The following COL6A6 variants were observed in gnomAD, a reference collection of about 807,000 sequenced individuals.
COL6A6 encodes the protein collagen type VI alpha 6 chain, also known as collagen alpha-6(VI) chain.
Under a neutral mutation model 208.6 loss-of-function variants are expected in COL6A6, and 183 were observed. That is an observed-to-expected ratio of 0.88 (90% CI 0.78 to 0.99). The LOEUF is 0.99. Ranked by LOEUF, COL6A6 falls within the 50% of genes least tolerant of loss-of-function variation. The probability of loss-of-function intolerance (pLI) is 0.00; values close to 1 mark genes in which losing one functional copy is unlikely to be tolerated. For synonymous variants in COL6A6, 973 were observed against 1,011.8 expected (o/e 0.96, Z 0.73); for missense variants, 2,816 against 2,815.2 (o/e 1.00, Z -0.01).
At chr3:130,583,640 GAA>G (rs2063472378) in intron 10 of COL6A6, among the ~76,000 whole-genome samples, 1 of 152,144 alleles carries the variant, frequency 6.6e-6, no homozygotes, top group South Asian at 2.1e-4. Flanking sequence ...AATGTTCTTT[GAA>G]AAGTGTCTAG....
At position 130,584,475 on chromosome 3, in the gene COL6A6, G is replaced by A. The variant is rs1420840655; in HGVS notation, c.3971-2031G>A. On this transcript the variant is annotated intron_variant, in intron 10 of 36. Transcript: ENST00000358511. ...TCATTCTCATTCTAGAAGAATGACC[G>A]ACTATCCTGTTTTGTTGGGAACAAG... 3.3e-5 allele frequency among the ~76,000 whole-genome samples: 5 copies of A among 152,110 alleles called. No homozygotes were observed. The East Asian group carries it at 5.8e-4, about 18-fold the overall frequency.
chr3:130,667,708 G>T (rs1433248254), intron 36 of COL6A6, among the ~76,000 whole-genome samples: 3 of 151,926 alleles, frequency 2.0e-5, no homozygotes, highest in Non-Finnish European at 4.4e-5. Context: ...TATGAGAAAA[G>T]ACATCAACAA....
intron 23 of COL6A6, among the ~76,000 whole-genome samples, chr3:130,621,543 A>T (rs1330953149): frequency 6.6e-6 from 1 of 152,242 alleles, no homozygotes; most frequent in African/African-American, 2.4e-5. Context: ...TTTTAACAAC[A>T]TCTGTTCTTA....
Position 130,567,194 on chromosome 3 carries a change from A to G in COL6A6, c.1775A>G (p.Tyr592Cys). ...EIAGEEKRVYYVHDFDALKDI... is the reference protein window; with the variant it reads ...EIAGEEKRVYCVHDFDALKDI... ...GCAGGAGAGGAAAAGAGAGTGTATT[A>G]CGTGCATGACTTTGATGCATTGAAA... Residue 592 changes from tyrosine (Y) to cysteine (C), a missense_variant, in exon 5 of 37, where the codon TAC becomes TGC. By Grantham distance (194) the Tyr-to-Cys change is radical. Transcript: ENST00000358511. 1 of 1,613,508 alleles carries G rather than the reference A, an allele frequency of 6.2e-7. No individual in the cohort carries two copies.
intron 36 of COL6A6, among the ~76,000 whole-genome samples, chr3:130,669,345 A>T (rs899759664): frequency 1.3e-5 from 2 of 152,144 alleles, no homozygotes; most frequent in Non-Finnish European, 2.9e-5. Flanking sequence ...CAGGGAGCCA[A>T]GATCATGCCA....
At position 130,661,822 on chromosome 3, in the gene COL6A6, A is replaced by G. The variant is rs200450058; in HGVS notation, c.6016A>G (p.Thr2006Ala). The change falls in exon 35 of 37, where the codon ACT becomes GCT. Residue 2006 changes from threonine (T) to alanine (A), a missense_variant. Transcript: ENST00000358511. ...EITPEPETSV[T>A]GDRVALLSHA... ...CACCCCAGAGCCGGAGACTTCTGTCACTGGAGACCGGGTGGCCCTATTGAG... is the reference window on the plus strand; with the variant it reads ...CACCCCAGAGCCGGAGACTTCTGTCGCTGGAGACCGGGTGGCCCTATTGAG... 9.6e-5 allele frequency: 155 copies of G among 1,613,830 alleles called. No individual in the cohort carries two copies. Among genetic ancestry groups the G allele is most frequent in the Non-Finnish European group, 1.2e-4 (141 of 1,179,880 alleles).
intron 8 of COL6A6, among the ~76,000 whole-genome samples, chr3:130,576,052 A>G (rs1037550926): frequency 5.3e-5 from 8 of 152,158 alleles, no homozygotes; most frequent in Admixed American, 1.3e-4. Context: ...AGGAGCCCAC[A>G]ACAGCTTGCT....
At chr3:130,608,763 CTTTTTTTTT>C (rs752049202) in intron 21 of COL6A6, 130 bp from the exon 22 acceptor site, 8 of 310,144 alleles carry the variant, frequency 2.6e-5, no homozygotes, top group African/African-American at 1.1e-4. Flanking sequence ...TATTTTTCAC[CTTTTTTTTT>C]TTTTTTTTTT....
chr3:130,547,040 C>T (rs192853075), intron 1 of COL6A6, among the ~76,000 whole-genome samples: 1 of 152,220 alleles, frequency 6.6e-6, no homozygotes, highest in African/African-American at 2.4e-5. Context: ...GTGGAGCTGC[C>T]CGCCAGTCCT....
At chr3:130,613,752 T>C (rs1442473907) in intron 23 of COL6A6, among the ~76,000 whole-genome samples, 1 of 152,200 alleles carries the variant, frequency 6.6e-6, no homozygotes, top group Non-Finnish European at 1.5e-5. Context: ...TTCCTAGATA[T>C]TTTTATTTTT....
At chr3:130,641,564 C>A in intron 28 of COL6A6, 88 bp from the exon 29 acceptor site, 2 of 602,294 alleles carry the variant, frequency 3.3e-6, no homozygotes, top group East Asian at 3.4e-5. Context: ...GAATTTTCAC[C>A]TTTGAATTTT....
At chr3:130,584,505 G>T (rs908922164) in intron 10 of COL6A6, among the ~76,000 whole-genome samples, 1 of 152,098 alleles carries the variant, frequency 6.6e-6, no homozygotes, top group African/African-American at 2.4e-5. Flanking sequence ...AACAAGATGG[G>T]AACTTTCAAC....
At chr3:130,615,590 C>T (rs1172579125) in intron 23 of COL6A6, among the ~76,000 whole-genome samples, 1 of 152,082 alleles carries the variant, frequency 6.6e-6, no homozygotes, top group African/African-American at 2.4e-5. Flanking sequence ...GATGAAGGTG[C>T]TTCTTCAAAA....
At position 130,565,505 on chromosome 3, in the gene COL6A6, G is replaced by A; in HGVS notation, c.1173G>A (p.Lys391=). The A allele has an allele frequency of 6.2e-7, 1 of 1,614,032 alleles. No individual in the cohort carries two copies. The highest frequency in any genetic ancestry group is 8.5e-7 in the Non-Finnish European group (1 of 1,179,880). Residue 391 remains lysine (K), a synonymous_variant, in exon 4 of 37, where the codon AAG becomes AAA. Transcript: ENST00000358511. ...CTGAGCAGTATGTCTCCAAACTGAAGACCTTCGCTGACCTGGCTGCTCACA... is the reference window on the plus strand; with the variant it reads ...CTGAGCAGTATGTCTCCAAACTGAAAACCTTCGCTGACCTGGCTGCTCACA... ...HPAEQYVSKL[K]TFADLAAHNQ...
In COL6A6 at chr3:130,593,103, C is replaced by G. The variant is rs1472372469; in HGVS notation, c.4414C>G (p.Gln1472Glu). The part of the protein sequence containing the change: ...ENGIDGLNGE[Q>E]GDNGLPGRKG... ...TGGAATTGACGGATTAAACGGAGAA[C>G]AGGTAGAGCCTTCTTGTACCATAGA... is the stretch of plus-strand genomic sequence containing the variant. The change falls in exon 16 of 37, where the codon CAG (glutamine) becomes GAG (glutamate). Residue 1472 changes from glutamine to glutamate, a missense_variant and splice_region_variant. Coordinates refer to ENST00000358511, the MANE Select transcript of COL6A6 (RefSeq NM_001102608.3). 1 of 1,613,534 alleles carries G rather than the reference C, an allele frequency of 6.2e-7. No individual in the cohort carries two copies. The highest frequency in any genetic ancestry group is 1.7e-5 in the Admixed American group (1 of 60,030).
intron 1 of COL6A6, among the ~76,000 whole-genome samples, chr3:130,557,789 A>G (rs1031439750): frequency 6.6e-6 from 1 of 152,188 alleles, no homozygotes; most frequent in African/African-American, 2.4e-5. Context: ...CGCGTTCTTA[A>G]TAGCCCCAAG....
At chr3:130,606,462 A>G (rs1022715962) in intron 20 of COL6A6, among the ~76,000 whole-genome samples, 2 of 152,190 alleles carry the variant, frequency 1.3e-5, no homozygotes, top group Non-Finnish European at 2.9e-5. Context: ...TTATGTCTGA[A>G]CTTAATCTAT....
At chr3:130,670,919 G>A (rs1191548799) in intron 36 of COL6A6, among the ~76,000 whole-genome samples, 3 of 152,182 alleles carry the variant, frequency 2.0e-5, no homozygotes, top group African/African-American at 4.8e-5. Context: ...TATATTTTAT[G>A]TGTGGCCCAA....
intron 32 of COL6A6, among the ~76,000 whole-genome samples, chr3:130,646,849 G>A (rs1033441917): frequency 1.3e-5 from 2 of 152,168 alleles, no homozygotes; most frequent in Admixed American, 6.5e-5. Flanking sequence ...TAGGGGAGGA[G>A]CATGATCTGA....
Sources: gnomAD v4.1 joint callset for allele counts (sites outside exome capture counted in the v4.1 genomes callset) on GRCh38, gnomAD v4.1.1 for gene constraint, MANE v1.5 for transcripts, NCBI Gene and HGNC (gene_info 2026-07-23, HGNC 2026-07-21) for gene names.